Variants in CCDC6 observed in about 807,000 individuals in gnomAD.
CCDC6 encodes the protein coiled-coil domain-containing protein 6.
Under a neutral mutation model 56.6 loss-of-function variants are expected in CCDC6, and 20 were observed. The observed-to-expected ratio is 0.35, with a 90% CI of 0.25 to 0.51. CCDC6 has a LOEUF of 0.51. Ranked by LOEUF, CCDC6 falls within the 20% of genes least tolerant of loss-of-function variation. CCDC6 has a pLI of 0.95. For synonymous variants in CCDC6, 241 were observed against 234.4 expected (o/e 1.03, Z -0.26); for missense variants, 367 against 601.1 (o/e 0.61, Z 4.07).
chr10:59,806,195 A>AC (rs1311179705), intron 6 of CCDC6, among the ~76,000 whole-genome samples: 1 of 152,222 alleles, frequency 6.6e-6, no homozygotes, highest in Non-Finnish European at 1.5e-5. Flanking sequence ...TGCAGATTGA[A>AC]CATCTTTTTC....
chr10:59,821,798 ATCAG>A (rs1190016812), intron 3 of CCDC6, among the ~76,000 whole-genome samples: 11 of 152,094 alleles, frequency 7.2e-5, no homozygotes, highest in Admixed American at 7.2e-4. Flanking sequence ...CGCAAAAAAA[ATCAG>A]AAAGAACTAT....
intron 4 of CCDC6, 55 bp from the exon 5 acceptor site, chr10:59,812,850 A>T: frequency 1.5e-6 from 2 of 1,329,412 alleles, no homozygotes; most frequent in Non-Finnish European, 1.1e-6. Context: ...TGAAAAGACA[A>T]AACAACATAC....
At chr10:59,905,419 AC>A (rs2071535445) in intron 1 of CCDC6, among the ~76,000 whole-genome samples, 1 of 151,958 alleles carries the variant, frequency 6.6e-6, no homozygotes, top group Non-Finnish European at 1.5e-5. Context: ...CACAGTCACT[AC>A]CCTTCCCCTG....
chr10:59,798,769 T>G (rs1286442303), intron 7 of CCDC6, among the ~76,000 whole-genome samples: 2 of 152,016 alleles, frequency 1.3e-5, no homozygotes, highest in Non-Finnish European at 2.9e-5. Flanking sequence ...CTGAGGTGGA[T>G]GGATCACGAG....
intron 1 of CCDC6, among the ~76,000 whole-genome samples, chr10:59,859,539 G>A (rs546914574): frequency 6.6e-6 from 1 of 152,234 alleles, no homozygotes; most frequent in East Asian, 1.9e-4. Context: ...TTCATCTTGG[G>A]TTTTCCATTT....
chr10:59,793,715 C>T (rs1049706137), intron 8 of CCDC6, among the ~76,000 whole-genome samples: 3 of 149,032 alleles, frequency 2.0e-5, no homozygotes, highest in Non-Finnish European at 4.4e-5. Context: ...GCTCCGGAGG[C>T]GGATGTTGCA....
chr10:59,829,019 G>A, intron 3 of CCDC6, among the ~76,000 whole-genome samples: 1 of 152,186 alleles, frequency 6.6e-6, no homozygotes, highest in Non-Finnish European at 1.5e-5. Context: ...TTCCCTGTTT[G>A]AAGAATAAGT....
chr10:59,844,308 C>T (rs1482638544), intron 2 of CCDC6, among the ~76,000 whole-genome samples: 2 of 151,760 alleles, frequency 1.3e-5, no homozygotes, highest in African/African-American at 4.8e-5. Flanking sequence ...TAATATCAGA[C>T]TTCCTATCTA....
At chr10:59,825,540 T>C (rs567698173) in intron 3 of CCDC6, among the ~76,000 whole-genome samples, 1 of 152,292 alleles carries the variant, frequency 6.6e-6, no homozygotes, top group East Asian at 1.9e-4. Context: ...TAAAACCACA[T>C]CACCCAAGGA....
chr10:59,830,878 T>G (rs2070829662), intron 3 of CCDC6, among the ~76,000 whole-genome samples: 1 of 152,192 alleles, frequency 6.6e-6, no homozygotes. Flanking sequence ...TAGGAGCCTG[T>G]GAACAAATAC....
intron 6 of CCDC6, chr10:59,804,882 G>T (rs1043967836): frequency 5.2e-6 from 1 of 191,558 alleles, no homozygotes; most frequent in African/African-American, 2.3e-5. Context: ...CATGTTAGTG[G>T]TGACATTTAA....
At chr10:59,869,648 C>A (rs1473465738) in intron 1 of CCDC6, among the ~76,000 whole-genome samples, 1 of 152,072 alleles carries the variant, frequency 6.6e-6, no homozygotes, top group Non-Finnish European at 1.5e-5. Flanking sequence ...CCTGGCCCTG[C>A]TGATCCTTCC....
intron 1 of CCDC6, among the ~76,000 whole-genome samples, chr10:59,902,665 G>C (rs972654854): frequency 3.3e-5 from 5 of 152,140 alleles, no homozygotes; most frequent in African/African-American, 1.2e-4. Flanking sequence ...TCCCCAAAGT[G>C]CTGGGATTAC....
At chr10:59,868,923 C>G (rs897468484) in intron 1 of CCDC6, among the ~76,000 whole-genome samples, 5 of 152,092 alleles carry the variant, frequency 3.3e-5, no homozygotes, top group Non-Finnish European at 7.4e-5. Context: ...TCCCATGCAC[C>G]TCTTTCTTAT....
chr10:59,872,782 G>C lies in CCDC6; in HGVS notation c.304-20080C>G, dbSNP rs557163833. Among the ~76,000 whole-genome samples the C allele has an allele frequency of 1.5e-3, 164 of 111,756 alleles. 1 individual carries two copies. The highest frequency in any genetic ancestry group is 4.2e-3 in the African/African-American group (150 of 35,616). 73.3% of individuals were successfully genotyped at this position (111,756 alleles called of 152,430 possible). On this transcript the variant is annotated intron_variant, in intron 1 of 8. Coordinates refer to ENST00000263102, the MANE Select transcript of CCDC6 (RefSeq NM_005436.5). ...TCAAAGAGGATAACTTTCCAGATGGGGGGGTGGGGGAAGGTAACAACATTA... is the reference window on the plus strand; with the variant it reads ...TCAAAGAGGATAACTTTCCAGATGGCGGGGTGGGGGAAGGTAACAACATTA...
intron 1 of CCDC6, among the ~76,000 whole-genome samples, chr10:59,873,091 C>T (rs1446153496): frequency 1.3e-5 from 2 of 152,174 alleles, no homozygotes; most frequent in African/African-American, 4.8e-5. Context: ...GATGTGTCTG[C>T]TGTTTCAATC....
chr10:59,877,954 C>G (rs2071298794), intron 1 of CCDC6, among the ~76,000 whole-genome samples: 1 of 152,118 alleles, frequency 6.6e-6, no homozygotes, highest in Non-Finnish European at 1.5e-5. Flanking sequence ...CCTGTAAATC[C>G]TGTAAAAGTG....
intron 7 of CCDC6, among the ~76,000 whole-genome samples, chr10:59,796,096 G>A (rs2070515751): frequency 1.3e-5 from 2 of 152,222 alleles, no homozygotes; most frequent in Admixed American, 1.3e-4. Context: ...CCCACCAACA[G>A]TGTAAAAGTG....
chr10:59,886,871 T>C (rs898848677), intron 1 of CCDC6, among the ~76,000 whole-genome samples: 1 of 152,134 alleles, frequency 6.6e-6, no homozygotes, highest in African/African-American at 2.4e-5. Context: ...ATGGCTCTTA[T>C]AAACACAAGA....
Sources: gnomAD v4.1 joint callset for allele counts (sites outside exome capture counted in the v4.1 genomes callset) on GRCh38, gnomAD v4.1.1 for gene constraint, MANE v1.5 for transcripts, NCBI Gene and HGNC (gene_info 2026-07-23, HGNC 2026-07-21) for gene names.